Variants in CIP2A observed in about 807,000 individuals in gnomAD.
The protein encoded by CIP2A is protein CIP2A.
A neutral mutation model predicts 110.9 loss-of-function variants in CIP2A; 103 were observed. The observed-to-expected ratio is 0.93, with a 90% confidence interval of 0.79 to 1.09. CIP2A has a LOEUF of 1.09. Among genes scored for constraint, CIP2A ranks in the 50% least tolerant of loss-of-function variants. The pLI, the probability that CIP2A is intolerant of heterozygous loss-of-function variation, is 0.00. For synonymous variants in CIP2A, 381 were observed against 361.6 expected, an observed-to-expected ratio of 1.05 and a Z score of -0.61; for missense variants, 1,088 against 1,038.4, an observed-to-expected ratio of 1.05 and a Z score of -0.66.
intron 13 of CIP2A, 110 bp from the exon 14 acceptor site, chr3:108,560,951 A>C: frequency 1.6e-6 from 1 of 621,598 alleles, no homozygotes; most frequent in Non-Finnish European, 2.7e-6. Context: ...TTTGAATAGA[A>C]GTCTTCAAAT....
rs1318032622 is a variant in CIP2A at position 108,558,055 on chromosome 3, A to C, written c.2014-641T>G. Among the ~76,000 whole-genome samples the C allele has an allele frequency of 2.6e-5, 4 of 152,142 alleles. 1 individual carries two copies. In the East Asian group the frequency reaches 7.7e-4, roughly 29 times the overall value. ...TATCCAGTTATTTAGTGCTATTTTTATAAGAACTTTTCCAGTAACATGAAT... is the reference window on the plus strand; with the variant it reads ...TATCCAGTTATTTAGTGCTATTTTTCTAAGAACTTTTCCAGTAACATGAAT... On this transcript the variant is annotated intron_variant, in intron 16 of 20. Transcript: ENST00000295746.
rs1438248935 is a variant in CIP2A at position 108,550,905 on chromosome 3, T to C, written c.*244A>G. 2.0e-5 allele frequency: 5 copies of C among 248,152 alleles called. No individual in the cohort carries two copies. The highest frequency in any genetic ancestry group is 3.8e-5 in the Non-Finnish European group (5 of 131,848). 15.4% of individuals were successfully genotyped at this position (248,152 alleles called of 1,614,324 possible). On this transcript the variant is annotated 3_prime_UTR_variant, in exon 21 of 21. Transcript: ENST00000295746. ...ATAATGGAGGTTAAAAATGATTTTCTAATGTAAGAACCAAAGAAAACCTTA... is the reference window on the plus strand; with the variant it reads ...ATAATGGAGGTTAAAAATGATTTTCCAATGTAAGAACCAAAGAAAACCTTA...
rs1454569982 is a variant in CIP2A, at chr3:108,550,226, TAA to T, written c.*921_*922del. 6.6e-6 allele frequency: 1 copy of T among 151,558 alleles called. No homozygotes were observed. The highest frequency in any genetic ancestry group is 2.1e-4 in the South Asian group (1 of 4,788). The allele number at this position is 151,558 out of a possible 1,614,324, so 9.4% of individuals were successfully genotyped here. A position where few individuals can be genotyped will look rare whatever the true frequency, so the allele number is the denominator to read the frequency against. ...AAGGACCCTTGTATTTTAAAAAAAATAAAGATATTTAACCTATGCTTTAAAAT... is the reference window on the plus strand; with the variant it reads ...AAGGACCCTTGTATTTTAAAAAAAATAGATATTTAACCTATGCTTTAAAAT... On this transcript the variant is annotated 3_prime_UTR_variant, in exon 21 of 21. Coordinates refer to ENST00000295746, the MANE Select transcript of CIP2A (RefSeq NM_020890.3).
chr3:108,568,599 C>T (rs1323250093), intron 9 of CIP2A, among the ~76,000 whole-genome samples: 1 of 151,866 alleles, frequency 6.6e-6, no homozygotes, highest in Non-Finnish European at 1.5e-5. Flanking sequence ...AAAGTATCTA[C>T]TGAAAACAAA....
At chr3:108,580,093 T>G (rs1481238612) in intron 5 of CIP2A, among the ~76,000 whole-genome samples, 1 of 152,210 alleles carries the variant, frequency 6.6e-6, no homozygotes, top group Non-Finnish European at 1.5e-5. Context: ...AACTGTAGCA[T>G]TTGTTAGCAT....
At chr3:108,555,216 C>T (rs942905732) in intron 17 of CIP2A, among the ~76,000 whole-genome samples, 2 of 152,144 alleles carry the variant, frequency 1.3e-5, no homozygotes, top group African/African-American at 2.4e-5. Context: ...TTAGAAACCA[C>T]GTATTTTTCT....
chr3:108,570,270 TAA>T lies in CIP2A; in HGVS notation c.895-665_895-664del, dbSNP rs1016651694. 3.2e-4 allele frequency among the ~76,000 whole-genome samples: 49 copies of T among 152,200 alleles called. 1 individual carries two copies. The highest frequency in any genetic ancestry group is 1.1e-3 in the African/African-American group (45 of 41,548). ...CCTTGTCTCTCTATTTCCAACTTTT[TAA>T]AAGTCTGTTTCTTACAAATGATATA... is the stretch of plus-strand genomic sequence containing the variant. On this transcript the variant is annotated intron_variant, in intron 8 of 20. Coordinates refer to ENST00000295746, the MANE Select transcript of CIP2A (RefSeq NM_020890.3).
At chr3:108,573,592 CTGTG>C (rs1044910709) in intron 8 of CIP2A, among the ~76,000 whole-genome samples, 7 of 151,908 alleles carry the variant, frequency 4.6e-5, no homozygotes, top group Middle Eastern at 3.2e-3. Context: ...TTTTCCCTTG[CTGTG>C]TGTTTCTATT....
At chr3:108,565,056 G>T (rs1435306003) in intron 12 of CIP2A, among the ~76,000 whole-genome samples, 1 of 151,738 alleles carries the variant, frequency 6.6e-6, no homozygotes, top group African/African-American at 2.4e-5. Context: ...AATGCCAACA[G>T]AAACAAATGA....
chr3:108,579,689 C>T lies in CIP2A; in HGVS notation c.550-1G>A. 6.5e-7 allele frequency: 1 copy of T among 1,529,830 alleles called. No individual in the cohort carries two copies. Among genetic ancestry groups the T allele is most frequent in the Non-Finnish European group, 8.8e-7 (1 of 1,142,798 alleles). The allele number at this position is 1,529,830 out of a possible 1,614,324, so 94.8% of individuals were successfully genotyped here. A position where few individuals can be genotyped will look rare whatever the true frequency, so the allele number is the denominator to read the frequency against. ...TTCGATAAAAAGATTTCACATTACT[C>T]TGAGGAAAAAAAAGTTAAAAAATAA... is the stretch of plus-strand genomic sequence containing the variant. On this transcript the variant is annotated splice_acceptor_variant, in intron 5 of 20. Coordinates refer to ENST00000295746, the MANE Select transcript of CIP2A (RefSeq NM_020890.3). LOFTEE classifies it high-confidence loss of function.
intron 1 of CIP2A, 77 bp downstream of exon 1, chr3:108,589,197 C>T (rs1939218389): frequency 9.5e-7 from 1 of 1,055,536 alleles, no homozygotes; most frequent in Admixed American, 1.9e-5. Context: ...AGGCTGGGGC[C>T]GCCACTCCTC....
At chr3:108,579,105 C>T (rs537934451) in intron 7 of CIP2A, among the ~76,000 whole-genome samples, 176 bp downstream of exon 7, 12 of 152,208 alleles carry the variant, frequency 7.9e-5, no homozygotes, top group South Asian at 4.2e-4. Context: ...GTTATACTTT[C>T]CATTTCAGTT....
At position 108,551,161 on chromosome 3, in the gene CIP2A, A is replaced by G. The variant is rs1414570579; in HGVS notation, c.2706T>C (p.Asn902=). ...AATGCCATAATGTCTATATACTGAG[A>G]TTCACAGTTTCTGGATTTATTTTTC... The part of the protein sequence containing the change: ...SGGKINPETV[N]LSI The change falls in exon 21 of 21, where the codon AAT becomes AAC. Residue 902 remains asparagine, a synonymous_variant. Coordinates refer to ENST00000295746, the MANE Select transcript of CIP2A (RefSeq NM_020890.3). 2 of 1,580,686 alleles carry G rather than the reference A, an allele frequency of 1.3e-6. No individual in the cohort carries two copies. The highest frequency in any genetic ancestry group is 2.7e-5 in the African/African-American group (2 of 73,736).
At chr3:108,560,074 T>G in intron 14 of CIP2A, 46 bp from the exon 15 acceptor site, 1 of 1,089,334 alleles carries the variant, frequency 9.2e-7, no homozygotes, top group Non-Finnish European at 1.4e-6. Flanking sequence ...TAAAATATTT[T>G]GACACAATGA....
Position 108,583,082 on chromosome 3 carries a change from T to C in CIP2A, c.252A>G (p.Ala84=). The C allele has an allele frequency of 6.4e-7, 1 of 1,557,732 alleles. No individual in the cohort carries two copies. Among genetic ancestry groups the C allele is most frequent in the Non-Finnish European group, 8.8e-7 (1 of 1,140,436 alleles). The change falls in exon 3 of 21, where the codon GCA becomes GCG. Residue 84 remains alanine (A), a splice_region_variant and synonymous_variant. Coordinates refer to ENST00000295746, the MANE Select transcript of CIP2A (RefSeq NM_020890.3). ...LSIIGLLSQL[A]VDIETRDCLQ... The stretch of plus-strand genomic sequence containing the variant: ...GACAATCTCTGGTTTCAATGTCTAC[T>C]GCTATAAGTTAAAATAAAAGCACAA...
intron 18 of CIP2A, among the ~76,000 whole-genome samples, chr3:108,554,092 C>T (rs1034365999): frequency 1.3e-5 from 2 of 151,646 alleles, no homozygotes; most frequent in Admixed American, 6.6e-5. Context: ...TACAGAGTTT[C>T]GCCATGTTGG....
chr3:108,559,472 G>GA (rs1339473619), intron 16 of CIP2A, among the ~76,000 whole-genome samples: 1 of 151,878 alleles, frequency 6.6e-6, no homozygotes, highest in Non-Finnish European at 1.5e-5. Context: ...TGAAACCACA[G>GA]AACACATAAC....
chr3:108,585,524 C>T, intron 1 of CIP2A: 1 of 400,192 alleles, frequency 2.5e-6, no homozygotes, highest in Non-Finnish European at 4.7e-6. Context: ...ATTTCTATTT[C>T]CTAAGTTAGC....
Position 108,554,487 on chromosome 3 carries a change from T to TGAAAG in CIP2A, c.2212_2213insCTTTC (p.Asn738ThrfsTer20). 7.7e-7 allele frequency: 1 copy of TGAAAG among 1,295,424 alleles called. No individual in the cohort carries two copies. The highest frequency in any genetic ancestry group is 1.1e-6 in the Non-Finnish European group (1 of 912,144). 80.2% of individuals were successfully genotyped at this position (1,295,424 alleles called of 1,614,324 possible). A position where few individuals can be genotyped will look rare whatever the true frequency, so the allele number is the denominator to read the frequency against. ...TTTATTCTTCTTTTCAGTACTTTCA[T>TGAAAG]TTCTGAAAAGACAAGAAAATGAGTT... On this transcript the variant is annotated frameshift_variant and splice_region_variant, in exon 18 of 21. Transcript: ENST00000295746. LOFTEE classifies it high-confidence loss of function.
Sources: allele counts gnomAD v4.1 joint callset (sites outside exome capture counted in the v4.1 genomes callset), GRCh38; gene constraint gnomAD v4.1.1; transcripts MANE v1.5; gene names NCBI Gene and HGNC (gene_info 2026-07-23, HGNC 2026-07-21).